The following MYO1E variants were observed in gnomAD, a reference collection of about 807,000 sequenced individuals.
The protein encoded by MYO1E is unconventional myosin-Ie.
A neutral mutation model predicts 151.1 loss-of-function variants in MYO1E; 68 were observed. The ratio of observed to expected loss-of-function variants is 0.45; its 90% confidence interval spans 0.37 to 0.55. MYO1E has a LOEUF of 0.55. MYO1E is among the 20% of genes least tolerant of loss of function. MYO1E has a pLI of 0.00. For synonymous variants in MYO1E, 601 were observed against 501.7 expected, an observed-to-expected ratio of 1.20 and a Z score of -2.64; for missense variants, 1,363 against 1,389.3, an observed-to-expected ratio of 0.98 and a Z score of 0.30.
intron 25 of MYO1E, among the ~76,000 whole-genome samples, chr15:59,154,970 C>T (rs2079501646): frequency 6.6e-6 from 1 of 152,198 alleles, no homozygotes; most frequent in Non-Finnish European, 1.5e-5. Context: ...CAGATCAGAA[C>T]TAGACATTTG....
chr15:59,237,354 C>T (rs1026788495), intron 4 of MYO1E, among the ~76,000 whole-genome samples: 1 of 152,132 alleles, frequency 6.6e-6, no homozygotes, highest in Admixed American at 6.5e-5. Context: ...TAATCACATC[C>T]GGAGTAACAA....
chr15:59,159,121 A>G lies in MYO1E; in HGVS notation c.2786-742T>C, dbSNP rs113445624. Among the ~76,000 whole-genome samples the G allele has an allele frequency of 0.025, 3,762 of 152,282 alleles. 49 individuals carry two copies. The highest frequency in any genetic ancestry group is 0.042 in the African/African-American group (1,732 of 41,544). ...TTTCTTATAAAGAGAAGAGCTGAAG[A>G]ATAGAGAAGGGTAGGAGGTGACAAG... On this transcript the variant is annotated intron_variant, in intron 24 of 27. Transcript: ENST00000288235. This position sits in a 1 kb window ranked among gnomAD's most constrained non-coding sequence, Gnocchi z 4.4.
chr15:59,162,832 G>C (rs1229919503), intron 23 of MYO1E, among the ~76,000 whole-genome samples: 1 of 151,984 alleles, frequency 6.6e-6, no homozygotes, highest in Non-Finnish European at 1.5e-5. Context: ...TTCTACTCCT[G>C]TCTGCTCTCC....
intron 2 of MYO1E, among the ~76,000 whole-genome samples, chr15:59,271,773 C>A (rs1486706723): frequency 6.6e-6 from 1 of 152,224 alleles, no homozygotes; most frequent in Non-Finnish European, 1.5e-5. Context: ...TAAGTGCAGA[C>A]TCAAATGTCT....
rs528736341 is a variant in MYO1E at position 59,271,964 on chromosome 15, C to T, written c.147+342G>A. 2.6e-4 allele frequency among the ~76,000 whole-genome samples: 40 copies of T among 152,302 alleles called. 1 individual carries two copies. The highest frequency in any genetic ancestry group is 8.2e-4 in the African/African-American group (34 of 41,552). ...CTTTGTGAAATGCCAGGAGAATAAC[C>T]GGGCATCATCTTTGCCCTTTGCACA... On this transcript the variant is annotated intron_variant, in intron 2 of 27. Transcript: ENST00000288235.
intron 1 of MYO1E, among the ~76,000 whole-genome samples, chr15:59,277,558 A>ACAACAACAAC (rs553908579): frequency 0.014 from 1,689 of 118,476 alleles, 28 homozygotes; most frequent in African/African-American, 0.03. Flanking sequence ...CAAAAAAAAA[A>ACAACAACAAC]AAAAAAAAAA....
chr15:59,224,876 A>T, intron 7 of MYO1E, 53 bp from the exon 8 acceptor site: 2 of 1,613,050 alleles, frequency 1.2e-6, no homozygotes, highest in African/African-American at 1.3e-5. Context: ...AGGCACCCGA[A>T]GTCACTCCTG....
chr15:59,157,396 G>GC (rs1279548425), intron 25 of MYO1E, among the ~76,000 whole-genome samples: 1 of 152,046 alleles, frequency 6.6e-6, no homozygotes, highest in Admixed American at 6.5e-5. Context: ...CAAAATAGTA[G>GC]CCCCCTCCCC....
intron 21 of MYO1E, among the ~76,000 whole-genome samples, chr15:59,172,306 G>A (rs968850672): frequency 6.6e-6 from 1 of 152,150 alleles, no homozygotes; most frequent in African/African-American, 2.4e-5. Context: ...GCAGTGAGCC[G>A]AGATTGCGCC....
chr15:59,233,537 G>GTT lies in MYO1E; in HGVS notation c.421-1747_421-1746insAA, dbSNP rs1566987415. On this transcript the variant is annotated intron_variant, in intron 5 of 27. Coordinates refer to ENST00000288235, the MANE Select transcript of MYO1E (RefSeq NM_004998.4). ...AAATTAGCTGGGCATAGTGGTGCAC[G>GTT]CCTGTAGTCCCAGCTACTCGGGAGG... Among the ~76,000 whole-genome samples, 10 of 151,932 alleles carry GTT rather than the reference G, an allele frequency of 6.6e-5. No homozygotes were observed. In the East Asian group the frequency reaches 1.9e-3, roughly 29 times the overall value.
chr15:59,200,979 GT>G (rs2079797900), intron 16 of MYO1E, among the ~76,000 whole-genome samples: 2 of 152,042 alleles, frequency 1.3e-5, no homozygotes, highest in African/African-American at 4.8e-5. Context: ...TCCTTTGATT[GT>G]AAAACTGAGG....
chr15:59,372,616 C>G lies in MYO1E; in HGVS notation c.-116G>C, dbSNP rs2080954804. On this transcript the variant is annotated 5_prime_UTR_variant, in exon 1 of 28. Coordinates refer to ENST00000288235, the MANE Select transcript of MYO1E (RefSeq NM_004998.4). ...GGTTCCCCTCGCCAAAAACAGGCTC[C>G]CGACACCCAAGCACTCACAGGAGCC... 1 of 1,353,218 alleles carries G rather than the reference C, an allele frequency of 7.4e-7. No homozygotes were observed. The highest frequency in any genetic ancestry group is 2.1e-5 in the Admixed American group (1 of 46,968). The allele number at this position is 1,353,218 out of a possible 1,614,324, so 83.8% of individuals were successfully genotyped here. A position where few individuals can be genotyped will look rare whatever the true frequency, so the allele number is the denominator to read the frequency against.
At chr15:59,190,103 A>G (rs1290622688) in intron 17 of MYO1E, among the ~76,000 whole-genome samples, 1 of 152,212 alleles carries the variant, frequency 6.6e-6, no homozygotes, top group Non-Finnish European at 1.5e-5. Flanking sequence ...CAGATCCTGA[A>G]AACTTGCTTC....
intron 4 of MYO1E, among the ~76,000 whole-genome samples, chr15:59,248,697 C>A (rs770805991): frequency 2.0e-5 from 3 of 151,940 alleles, no homozygotes; most frequent in Non-Finnish European, 2.9e-5. Flanking sequence ...AGAGTCAGGA[C>A]AGGAAAGTAA....
chr15:59,140,964 T>C (rs2079405334), intron 26 of MYO1E, among the ~76,000 whole-genome samples: 1 of 152,228 alleles, frequency 6.6e-6, no homozygotes, highest in Admixed American at 6.5e-5. Flanking sequence ...GTTTTCTACC[T>C]AGTGCCTACT....
intron 1 of MYO1E, among the ~76,000 whole-genome samples, chr15:59,370,058 G>C (rs1190564138): frequency 1.3e-5 from 2 of 151,988 alleles, no homozygotes; most frequent in African/African-American, 4.8e-5. Context: ...TATTCCTCCT[G>C]CCTCAGCCTC....
intron 6 of MYO1E, among the ~76,000 whole-genome samples, chr15:59,230,324 A>G (rs2080020615): frequency 6.6e-6 from 1 of 152,102 alleles, no homozygotes. Context: ...TTGCAATTAG[A>G]AAAATAATAA....
intron 26 of MYO1E, among the ~76,000 whole-genome samples, chr15:59,147,322 AG>A (rs1340404429): frequency 6.6e-6 from 1 of 152,194 alleles, no homozygotes; most frequent in East Asian, 1.9e-4. Context: ...CGTGGAGGCC[AG>A]GTGCAGTGAC....
rs577511374 is a variant in MYO1E, at chr15:59,361,115, C to T, written c.3+11383G>A. ...GACTGTTGTGACAAGAGACACATGG[C>T]CAAGCCATCCCATGGCCCCAGCTGA... On this transcript the variant is annotated intron_variant, in intron 1 of 27. Transcript: ENST00000288235. 4.6e-5 allele frequency among the ~76,000 whole-genome samples: 7 copies of T among 152,232 alleles called. No individual in the cohort carries two copies. The East Asian group carries it at 1.3e-3, about 29-fold the overall frequency.
Sources: allele counts gnomAD v4.1 joint callset (sites outside exome capture counted in the v4.1 genomes callset), GRCh38; gene constraint gnomAD v4.1.1; non-coding constraint Gnocchi (gnomAD v3.1); transcripts MANE v1.5; gene names NCBI Gene and HGNC (gene_info 2026-07-23, HGNC 2026-07-21).